ADGRL2: variants seen among roughly 807,000 people sequenced by gnomAD.
The protein encoded by ADGRL2 is calcium-independent alpha-latrotoxin receptor 2.
In ADGRL2, 44 loss-of-function variants were observed where a neutral mutation model predicts 157.4. That is an observed-to-expected ratio of 0.28 (90% CI 0.22 to 0.36). The LOEUF (loss-of-function observed/expected upper bound fraction) is 0.36. ADGRL2 is among the 10% of genes least tolerant of loss of function. ADGRL2 has a pLI of 1.00. For missense variants in ADGRL2, 1,510 were observed against 1,768.9 expected, an observed-to-expected ratio of 0.85 and a Z score of 2.63; for synonymous variants, 585 against 624.7, an observed-to-expected ratio of 0.94 and a Z score of 0.95.
In ADGRL2 at chr1:81,990,471, C is replaced by T. The variant is rs1175615324; in HGVS notation, c.3736C>T (p.Leu1246=). The part of the protein sequence containing the change: ...LNGNFNNSYS[L]HKGDYNDSVQ... ...TGGTAATTTTAACAACAGCTACTCG[C>T]TGCACAAGGGTGACTATAATGACAG... The change falls in exon 24 of 24, where the codon CTG becomes TTG. Residue 1246 remains leucine (L), a synonymous_variant. Transcript: ENST00000686636. The T allele has an allele frequency of 6.2e-7, 1 of 1,614,128 alleles. No individual in the cohort carries two copies. Among genetic ancestry groups the T allele is most frequent in the East Asian group, 2.2e-5 (1 of 44,882 alleles).
At chr1:81,990,245 A>G in intron 23 of ADGRL2, 146 bp from the exon 24 acceptor site, 2 of 1,487,242 alleles carry the variant, frequency 1.3e-6, no homozygotes, top group Non-Finnish European at 1.8e-6. Flanking sequence ...ACAGTTGGGA[A>G]TGCAGGAAAG....
chr1:81,896,789 A>G (rs1056427783), intron 2 of ADGRL2, among the ~76,000 whole-genome samples: 5 of 152,204 alleles, frequency 3.3e-5, no homozygotes, highest in African/African-American at 1.2e-4. Context: ...AGGAGGTAAT[A>G]TAAGTACAAA....
At chr1:81,813,975 G>A (rs749505827) in intron 1 of ADGRL2, among the ~76,000 whole-genome samples, 3 of 151,622 alleles carry the variant, frequency 2.0e-5, no homozygotes, top group Non-Finnish European at 4.4e-5. Flanking sequence ...TCTTAAATTT[G>A]AAGGTAGACT....
At chr1:81,926,415 G>A (rs1179295430) in intron 3 of ADGRL2, among the ~76,000 whole-genome samples, 2 of 151,978 alleles carry the variant, frequency 1.3e-5, no homozygotes, top group Admixed American at 1.3e-4. Flanking sequence ...GCAAGGTCAT[G>A]TCTTATTACG....
intron 6 of ADGRL2, 82 bp from the exon 7 acceptor site, chr1:81,950,107 C>G (rs994530807): frequency 2.7e-6 from 3 of 1,100,888 alleles, no homozygotes; most frequent in Non-Finnish European, 4.1e-6. Context: ...TGTGTGTGTG[C>G]ATGCACACAT....
intron 2 of ADGRL2, among the ~76,000 whole-genome samples, chr1:81,476,313 A>G (rs914608415): frequency 2.6e-5 from 4 of 152,190 alleles, no homozygotes; most frequent in African/African-American, 9.7e-5. Flanking sequence ...TGACAATATG[A>G]TTGGTGAGGT....
rs191805821 is a variant in ADGRL2, at chr1:81,869,127, T to C, written c.73+32070T>C. ...CAAGGATTGCTTACTCTTCGGTTTCTGGTTTGTGCAACCTGGATGAATGTT... is the reference window on the plus strand; with the variant it reads ...CAAGGATTGCTTACTCTTCGGTTTCCGGTTTGTGCAACCTGGATGAATGTT... On this transcript the variant is annotated intron_variant, in intron 2 of 23. Coordinates refer to ENST00000686636, the MANE Select transcript of ADGRL2 (RefSeq NM_001366006.2). Among the ~76,000 whole-genome samples, 469 of 152,262 alleles carry C rather than the reference T, an allele frequency of 3.1e-3. 2 individuals are homozygous for C. The highest frequency in any genetic ancestry group is 5.7e-3 in the Non-Finnish European group (390 of 68,002).
intron 1 of ADGRL2, among the ~76,000 whole-genome samples, chr1:81,397,313 C>CTTTTTTTTTTTTT (rs59449077): frequency 7.5e-5 from 4 of 53,642 alleles, no homozygotes; most frequent in South Asian, 9.7e-4. Flanking sequence ...ATAATGTCTC[C>CTTTTTTTTTTTTT]TTTTTTTTTT....
chr1:81,923,986 A>T (rs556377695), intron 3 of ADGRL2, among the ~76,000 whole-genome samples: 1 of 152,336 alleles, frequency 6.6e-6, no homozygotes, highest in East Asian at 1.9e-4. Context: ...AGGAGATGCC[A>T]TAAAGCAGAA....
intron 2 of ADGRL2, among the ~76,000 whole-genome samples, chr1:81,572,741 A>G (rs1173887264): frequency 6.6e-6 from 1 of 152,134 alleles, no homozygotes; most frequent in Non-Finnish European, 1.5e-5. Context: ...TTATTTTGCA[A>G]AATGCTGGGT....
At chr1:81,555,765 A>G (rs752398498) in intron 2 of ADGRL2, among the ~76,000 whole-genome samples, 2 of 152,182 alleles carry the variant, frequency 1.3e-5, no homozygotes, top group African/African-American at 2.4e-5. Context: ...ATCCACTGGC[A>G]ATAACCTTCC....
rs530348836 is a variant in ADGRL2 at position 81,970,194 on chromosome 1, C to T, written c.2734-120C>T. On this transcript the variant is annotated intron_variant, in intron 15 of 23. Coordinates refer to ENST00000686636, the MANE Select transcript of ADGRL2 (RefSeq NM_001366006.2). The stretch of plus-strand genomic sequence containing the variant: ...AATATTTTCAGGAAGCATTAGTTTA[C>T]TCTGAATAATGTATTTTTGAAATAA... 3.0e-5 allele frequency: 22 copies of T among 740,306 alleles called. No homozygotes were observed. In the African/African-American group the frequency reaches 3.2e-4, roughly 11 times the overall value. 45.9% of individuals were successfully genotyped at this position (740,306 alleles called of 1,614,324 possible).
At chr1:81,329,454 A>T (rs1661127857) in intron 1 of ADGRL2, among the ~76,000 whole-genome samples, 1 of 152,130 alleles carries the variant, frequency 6.6e-6, no homozygotes, top group Admixed American at 6.6e-5. Flanking sequence ...GTGAACAATT[A>T]ATAGTCTCTG....
At chr1:81,625,134 G>A (rs918801788) in intron 3 of ADGRL2, among the ~76,000 whole-genome samples, 1 of 152,180 alleles carries the variant, frequency 6.6e-6, no homozygotes, top group African/African-American at 2.4e-5. Context: ...AGACTCGGGA[G>A]AGTGAAATGA....
At chr1:81,714,851 G>T (rs1298732288) in intron 1 of ADGRL2, among the ~76,000 whole-genome samples, 10 of 145,228 alleles carry the variant, frequency 6.9e-5, no homozygotes, top group South Asian at 2.2e-4. Context: ...GGCATGTTTT[G>T]TTTTTTTTTT....
chr1:81,477,128 C>T (rs999376293), intron 2 of ADGRL2, among the ~76,000 whole-genome samples: 2 of 152,164 alleles, frequency 1.3e-5, no homozygotes, highest in Admixed American at 6.5e-5. Context: ...ATACTATGTA[C>T]CCACCATGCA....
At chr1:81,553,002 T>C (rs1276560342) in intron 2 of ADGRL2, among the ~76,000 whole-genome samples, 1 of 152,190 alleles carries the variant, frequency 6.6e-6, no homozygotes, top group South Asian at 2.1e-4. Flanking sequence ...GGTATTAAGA[T>C]GAACAGGGCA....
chr1:81,985,364 T>G lies in ADGRL2; in HGVS notation c.3508+9T>G. The stretch of plus-strand genomic sequence containing the variant: ...TTCAACACTTAATCAAGGTCAGTTA[T>G]CAGGAAAATTTGAGTTACTACCATT... On this transcript the variant is annotated intron_variant, in intron 21 of 23. Coordinates refer to ENST00000686636, the MANE Select transcript of ADGRL2 (RefSeq NM_001366006.2). 6.5e-7 allele frequency: 1 copy of G among 1,538,910 alleles called. No homozygotes were observed.
chr1:81,712,296 A>G (rs926820319), intron 1 of ADGRL2, among the ~76,000 whole-genome samples: 1 of 152,210 alleles, frequency 6.6e-6, no homozygotes, highest in Non-Finnish European at 1.5e-5. Context: ...GGTAAGCCAG[A>G]TGTCATCTTT....
Sources: gnomAD v4.1 joint callset for allele counts (sites outside exome capture counted in the v4.1 genomes callset) on GRCh38, gnomAD v4.1.1 for gene constraint, MANE v1.5 for transcripts, NCBI Gene and HGNC (gene_info 2026-07-23, HGNC 2026-07-21) for gene names.